Variants in GPC5 observed in about 807,000 individuals in gnomAD.
The protein encoded by GPC5 is glypican-5.
GPC5 carries 47 observed loss-of-function variants against 53.9 expected under a neutral mutation model. The ratio of observed to expected loss-of-function variants is 0.87; its 90% confidence interval spans 0.69 to 1.11. The LOEUF is 1.11. Among genes scored for constraint, GPC5 ranks in the 50% most tolerant of loss-of-function variants. GPC5 has a pLI of 0.00. For missense variants in GPC5, 748 were observed against 713.1 expected, an observed-to-expected ratio of 1.05 and a Z score of -0.56; for synonymous variants, 286 against 263.3, an observed-to-expected ratio of 1.09 and a Z score of -0.84.
chr13:92,431,661 G>T (rs1426069233), intron 7 of GPC5, among the ~76,000 whole-genome samples: 1 of 152,122 alleles, frequency 6.6e-6, no homozygotes, highest in African/African-American at 2.4e-5. Context: ...TTGTGGGAAA[G>T]CCATCGGAGA....
At chr13:92,085,093 T>C (rs1237537316) in intron 6 of GPC5, among the ~76,000 whole-genome samples, 1 of 152,196 alleles carries the variant, frequency 6.6e-6, no homozygotes, top group East Asian at 1.9e-4. Flanking sequence ...GCTCTGCCAG[T>C]CATATTCCAA....
chr13:91,798,836 G>A (rs2038089207), intron 5 of GPC5, among the ~76,000 whole-genome samples: 1 of 152,248 alleles, frequency 6.6e-6, no homozygotes, highest in South Asian at 2.1e-4. Context: ...CCCACCATCA[G>A]TGTGAAAGTG....
chr13:92,397,400 CT>C (rs1875334505), intron 7 of GPC5, among the ~76,000 whole-genome samples: 1 of 152,178 alleles, frequency 6.6e-6, no homozygotes, highest in Admixed American at 6.5e-5. Flanking sequence ...GAAGATACGC[CT>C]TTCATCTTCT....
intron 7 of GPC5, among the ~76,000 whole-genome samples, chr13:92,640,831 A>G (rs1352645266): frequency 6.6e-6 from 1 of 152,150 alleles, no homozygotes; most frequent in Admixed American, 6.5e-5. Context: ...ATAAAGTAGG[A>G]TGATTAAATG....
At chr13:92,170,880 G>GA (rs1293015612) in intron 7 of GPC5, among the ~76,000 whole-genome samples, 1 of 151,996 alleles carries the variant, frequency 6.6e-6, no homozygotes, top group Non-Finnish European at 1.5e-5. Context: ...AGTAGAATGA[G>GA]AAAAAATGGA....
intron 7 of GPC5, among the ~76,000 whole-genome samples, chr13:92,413,849 G>A (rs990915296): frequency 2.0e-5 from 3 of 152,124 alleles, no homozygotes; most frequent in Non-Finnish European, 4.4e-5. Context: ...TTAAATAATA[G>A]GATGAACACT....
At chr13:92,751,795 G>A (rs115879523) in intron 7 of GPC5, among the ~76,000 whole-genome samples, 104 of 152,172 alleles carry the variant, frequency 6.8e-4, no homozygotes, top group African/African-American at 2.4e-3. Flanking sequence ...TGAGGGACAT[G>A]ACTTAAAACA....
At chr13:91,911,401 G>A (rs1455574753) in intron 6 of GPC5, among the ~76,000 whole-genome samples, 7 of 151,864 alleles carry the variant, frequency 4.6e-5, no homozygotes, top group East Asian at 1.9e-4. Flanking sequence ...AAAATTAGCC[G>A]GGCATGGTGG....
rs911098557 is a variant in GPC5 at position 92,500,738 on chromosome 13, C to T, written c.1561+355749C>T. Among the ~76,000 whole-genome samples the T allele has an allele frequency of 3.3e-5, 5 of 152,134 alleles. 1 individual carries two copies. In the East Asian group the frequency reaches 9.6e-4, roughly 29 times the overall value. On this transcript the variant is annotated intron_variant, in intron 7 of 7. Coordinates refer to ENST00000377067, the MANE Select transcript of GPC5 (RefSeq NM_004466.6). ...CCTCCTTGATTTAAGTAGCTGTGGC[C>T]TCAAGAGGATGAGGCAAACTCACAT... is the stretch of plus-strand genomic sequence containing the variant.
intron 7 of GPC5, among the ~76,000 whole-genome samples, chr13:92,281,789 G>A (rs1468488368): frequency 6.6e-6 from 1 of 152,178 alleles, no homozygotes; most frequent in Non-Finnish European, 1.5e-5. Flanking sequence ...AAACCGCAAA[G>A]ATGGGGAGAA....
intron 7 of GPC5, chr13:92,447,394 A>C (rs1299077383): frequency 6.6e-6 from 1 of 152,144 alleles, no homozygotes; most frequent in Non-Finnish European, 1.5e-5. Context: ...ATTTATATAT[A>C]AAGTATAACT....
chr13:91,958,098 A>T (rs915142889), intron 6 of GPC5, among the ~76,000 whole-genome samples: 2 of 151,562 alleles, frequency 1.3e-5, no homozygotes, highest in Admixed American at 6.6e-5. Flanking sequence ...TTTTTTTTTT[A>T]AAGAAAGCAT....
chr13:92,557,836 C>T (rs796911919), intron 7 of GPC5, among the ~76,000 whole-genome samples: 1 of 151,918 alleles, frequency 6.6e-6, no homozygotes, highest in Non-Finnish European at 1.5e-5. Context: ...GCAGTCATCA[C>T]ATGATACTGC....
intron 4 of GPC5, among the ~76,000 whole-genome samples, chr13:91,740,416 G>A (rs1347648961): frequency 6.6e-6 from 1 of 152,124 alleles, no homozygotes. Flanking sequence ...ATTTGAAGAA[G>A]GAAAATTTCC....
chr13:92,669,080 T>C (rs1886664216), intron 7 of GPC5, among the ~76,000 whole-genome samples: 1 of 152,154 alleles, frequency 6.6e-6, no homozygotes, highest in South Asian at 2.1e-4. Flanking sequence ...AAAATTCAAA[T>C]AATGACTCCA....
intron 5 of GPC5, among the ~76,000 whole-genome samples, chr13:91,834,607 C>G (rs978943016): frequency 1.3e-5 from 2 of 152,152 alleles, no homozygotes; most frequent in African/African-American, 4.8e-5. Context: ...CTACAACCAT[C>G]TGATCTTTGA....
chr13:91,421,107 C>A (rs1167052101), intron 1 of GPC5, among the ~76,000 whole-genome samples: 1 of 152,216 alleles, frequency 6.6e-6, no homozygotes, highest in African/African-American at 2.4e-5. Flanking sequence ...TTCTACCAAT[C>A]ATTACAAATT....
chr13:92,305,593 A>T (rs2043105507), intron 7 of GPC5, among the ~76,000 whole-genome samples: 1 of 152,096 alleles, frequency 6.6e-6, no homozygotes, highest in Non-Finnish European at 1.5e-5. Flanking sequence ...GAACATCATG[A>T]AAAAAAATTC....
intron 2 of GPC5, among the ~76,000 whole-genome samples, chr13:91,499,991 G>A (rs1438215467): frequency 6.6e-6 from 1 of 152,146 alleles, no homozygotes; most frequent in Non-Finnish European, 1.5e-5. Context: ...TTTCATTTGT[G>A]CTGAATGTTT....
Sources: gnomAD v4.1 joint callset for allele counts (sites outside exome capture counted in the v4.1 genomes callset) on GRCh38, gnomAD v4.1.1 for gene constraint, MANE v1.5 for transcripts, NCBI Gene and HGNC (gene_info 2026-07-23, HGNC 2026-07-21) for gene names.